The following IFT88 variants were observed in gnomAD, a reference collection of about 807,000 sequenced individuals.
IFT88 encodes intraflagellar transport protein 88 homolog.
IFT88 carries 74 observed loss-of-function variants against 119.5 expected under a neutral mutation model. The observed-to-expected ratio is 0.62, with a 90% confidence interval of 0.51 to 0.75. The LOEUF is 0.75. IFT88 is among the 30% of genes least tolerant of loss of function. The pLI is 0.00. For missense variants in IFT88, 961 were observed against 977.7 expected (o/e 0.98, Z 0.23); for synonymous variants, 279 against 316.7 (o/e 0.88, Z 1.26).
intron 13 of IFT88, among the ~76,000 whole-genome samples, chr13:20,614,604 A>G (rs920044779): frequency 6.6e-6 from 1 of 152,144 alleles, no homozygotes; most frequent in African/African-American, 2.4e-5. Context: ...GAATGGAAAT[A>G]TAGTGGGAAT....
At chr13:20,582,879 A>G in intron 2 of IFT88, 78 bp from the exon 3 acceptor site, 1 of 1,086,636 alleles carries the variant, frequency 9.2e-7, no homozygotes, top group South Asian at 1.3e-5. Context: ...GCTCTTGAGT[A>G]CCAAACAGCA....
At chr13:20,579,685 T>TCTCTC (rs2138191842) in intron 2 of IFT88, among the ~76,000 whole-genome samples, 1 of 152,270 alleles carries the variant, frequency 6.6e-6, no homozygotes, top group East Asian at 1.9e-4. Context: ...CAAAGTCCCC[T>TCTCTC]TTACTCTCCC....
At chr13:20,577,461 G>A (rs1178517927) in intron 2 of IFT88, among the ~76,000 whole-genome samples, 3 of 151,804 alleles carry the variant, frequency 2.0e-5, no homozygotes, top group Non-Finnish European at 4.4e-5. Flanking sequence ...AAGGCTTTCA[G>A]TTTTTTTTCA....
In IFT88 at chr13:20,690,096, C is replaced by T. The variant is rs1246235245; in HGVS notation, c.2243-609C>T. 2.0e-5 allele frequency among the ~76,000 whole-genome samples: 3 copies of T among 152,100 alleles called. No individual in the cohort carries two copies. In the East Asian group the frequency reaches 5.8e-4, roughly 29 times the overall value. ...TCTTGTTCTGATTTATTCCCAGAGACATTATCAGTAAACTAAAAGACAAAC... is the reference window on the plus strand; with the variant it reads ...TCTTGTTCTGATTTATTCCCAGAGATATTATCAGTAAACTAAAAGACAAAC... On this transcript the variant is annotated intron_variant, in intron 24 of 25. Coordinates refer to ENST00000351808, the MANE Select transcript of IFT88 (RefSeq NM_006531.5).
intron 15 of IFT88, 142 bp from the exon 16 acceptor site, chr13:20,630,874 T>C: frequency 2.0e-6 from 1 of 496,772 alleles, no homozygotes; most frequent in Non-Finnish European, 3.6e-6. Flanking sequence ...CTTCTTGTAA[T>C]CTGTTTTCTT....
intron 20 of IFT88, among the ~76,000 whole-genome samples, chr13:20,651,727 C>G (rs907003612): frequency 6.6e-6 from 1 of 151,664 alleles, no homozygotes; most frequent in South Asian, 2.1e-4. Flanking sequence ...CTTACCATGC[C>G]TAAGGTATAA....
At chr13:20,615,085 G>A (rs1190354297) in intron 13 of IFT88, among the ~76,000 whole-genome samples, 2 of 152,088 alleles carry the variant, frequency 1.3e-5, no homozygotes, top group East Asian at 3.8e-4. Flanking sequence ...AAAGTGCTGG[G>A]ATTACAGGCA....
intron 24 of IFT88, among the ~76,000 whole-genome samples, chr13:20,678,074 G>C (rs1010991057): frequency 1.3e-5 from 2 of 152,230 alleles, no homozygotes; most frequent in African/African-American, 4.8e-5. Context: ...AACTAAGATA[G>C]TTTTGATAGC....
chr13:20,684,343 T>C (rs1437829521), intron 24 of IFT88, among the ~76,000 whole-genome samples: 2 of 152,170 alleles, frequency 1.3e-5, no homozygotes, highest in Non-Finnish European at 2.9e-5. Context: ...TTCAAAATAA[T>C]GAGGGGGTAT....
intron 14 of IFT88, among the ~76,000 whole-genome samples, chr13:20,621,295 G>A (rs1467849346): frequency 6.6e-6 from 1 of 152,028 alleles, no homozygotes; most frequent in African/African-American, 2.4e-5. Flanking sequence ...TCAAACTTCT[G>A]GCCTCAAGTG....
At chr13:20,569,844 C>G (rs889605323) in intron 1 of IFT88, among the ~76,000 whole-genome samples, 1 of 151,346 alleles carries the variant, frequency 6.6e-6, no homozygotes, top group Non-Finnish European at 1.5e-5. Context: ...CCGGCTAATA[C>G]GGTGAAACCC....
At chr13:20,623,811 A>G (rs1040715660) in intron 14 of IFT88, among the ~76,000 whole-genome samples, 2 of 152,124 alleles carry the variant, frequency 1.3e-5, no homozygotes, top group African/African-American at 4.8e-5. Flanking sequence ...TCTCTCGGCA[A>G]TGTTTTATAG....
chr13:20,641,896 TC>T (rs962196979), intron 18 of IFT88: 2 of 152,988 alleles, frequency 1.3e-5, no homozygotes, highest in African/African-American at 4.8e-5. Flanking sequence ...TCATATGAAC[TC>T]ATTCATTCTG....
chr13:20,620,008 G>A (rs1011217510), intron 14 of IFT88, among the ~76,000 whole-genome samples: 2 of 152,044 alleles, frequency 1.3e-5, no homozygotes, highest in African/African-American at 2.4e-5. Flanking sequence ...AGAAGTGCCC[G>A]TTCAAGACTT....
intron 23 of IFT88, among the ~76,000 whole-genome samples, chr13:20,668,086 A>G (rs906948705): frequency 4.6e-5 from 7 of 152,166 alleles, no homozygotes; most frequent in Non-Finnish European, 8.8e-5. Context: ...GGCTTCCTTC[A>G]GTTCCTTTGC....
intron 24 of IFT88, among the ~76,000 whole-genome samples, chr13:20,680,854 C>T (rs933683684): frequency 1.3e-5 from 2 of 152,160 alleles, no homozygotes; most frequent in Non-Finnish European, 2.9e-5. Context: ...TACCTATTTC[C>T]CAACTCGTTG....
chr13:20,612,954 A>G (rs999760037), intron 13 of IFT88, among the ~76,000 whole-genome samples: 5 of 152,242 alleles, frequency 3.3e-5, no homozygotes, highest in South Asian at 2.1e-4. Context: ...AAAATGAACT[A>G]TAGACCTAAA....
rs1229055620 is a variant in IFT88, at chr13:20,641,295, A to G, written c.1579A>G (p.Thr527Ala). ...TTTTTTCTTCTTTTTTTAAGGCCTT[A>G]CCTATGAGAAACTAAATCGGCTAGA... ...CTEALYNIGL[T>A]YEKLNRLDEA... Residue 527 changes from threonine to alanine, a missense_variant, in exon 18 of 26, where the codon ACC (threonine) becomes GCC (alanine). Physicochemically the swap from Thr to Ala is moderately conservative, Grantham distance 58. Coordinates refer to ENST00000351808, the MANE Select transcript of IFT88 (RefSeq NM_006531.5). The G allele has an allele frequency of 6.3e-7, 1 of 1,599,564 alleles. No individual in the cohort carries two copies. Among genetic ancestry groups the G allele is most frequent in the African/African-American group, 1.3e-5 (1 of 74,704 alleles).
At chr13:20,657,966 G>A (rs1255251530) in intron 22 of IFT88, among the ~76,000 whole-genome samples, 1 of 152,162 alleles carries the variant, frequency 6.6e-6, no homozygotes, top group African/African-American at 2.4e-5. Flanking sequence ...AGTTAGCTCA[G>A]TTATGGTCTT....
Sources: allele counts gnomAD v4.1 joint callset (sites outside exome capture counted in the v4.1 genomes callset), GRCh38; gene constraint gnomAD v4.1.1; transcripts MANE v1.5; gene names NCBI Gene and HGNC (gene_info 2026-07-23, HGNC 2026-07-21).